DNM1: variants seen among roughly 807,000 people sequenced by gnomAD.
DNM1 encodes dynamin-1.
A neutral mutation model predicts 104.6 loss-of-function variants in DNM1; 29 were observed. That is an observed-to-expected ratio of 0.28 (90% CI 0.21 to 0.38). The LOEUF (loss-of-function observed/expected upper bound fraction) is 0.38. DNM1 is among the 10% of genes least tolerant of loss of function. The pLI is 1.00. For synonymous variants in DNM1, 445 were observed against 475.8 expected (o/e 0.94, Z 0.84); for missense variants, 640 against 1,189.4 (o/e 0.54, Z 6.79).
At chr9:128,239,659 C>T (rs1238336007) in intron 12 of DNM1, 69 bp from the exon 13 acceptor site, 4 of 1,513,702 alleles carry the variant, frequency 2.6e-6, no homozygotes, top group Admixed American at 1.7e-5. Flanking sequence ...GTCCTGTGCC[C>T]ACTAAGCAGT....
chr9:128,235,198 T>C (rs1193060403), intron 11 of DNM1, among the ~76,000 whole-genome samples: 3 of 152,050 alleles, frequency 2.0e-5, no homozygotes, highest in Non-Finnish European at 4.4e-5. Flanking sequence ...GTAGCATGTG[T>C]CAAAAGCTGC....
intron 1 of DNM1, among the ~76,000 whole-genome samples, chr9:128,211,434 G>C (rs1015898417): frequency 3.3e-5 from 5 of 150,778 alleles, no homozygotes; most frequent in African/African-American, 4.9e-5. Context: ...ACTCTCCTGG[G>C]GTGCTATTGC....
Position 128,220,739 on chromosome 9 carries a change from G to GCT in DNM1, c.849+399_849+400insTC, listed in dbSNP as rs1834903514. ...ATCCAGAACTGAAGTGCGCGCGCGCGCGCGTGTGTGTGTGTGTGTGTGTGT... is the reference window on the plus strand; with the variant it reads ...ATCCAGAACTGAAGTGCGCGCGCGCGCTCGCGTGTGTGTGTGTGTGTGTGTGT... On this transcript the variant is annotated intron_variant, in intron 6 of 21. Transcript: ENST00000372923. This position sits in a 1 kb window ranked among gnomAD's most constrained non-coding sequence, Gnocchi z 5.2. Among the ~76,000 whole-genome samples, 3 of 109,266 alleles carry GCT rather than the reference G, an allele frequency of 2.7e-5. No homozygotes were observed. The highest frequency in any genetic ancestry group is 9.7e-5 in the African/African-American group (2 of 20,690). 71.7% of individuals were successfully genotyped at this position (109,266 alleles called of 152,430 possible).
rs1835232660 is a variant in DNM1, at chr9:128,224,608, T to TGA, written c.1335+222_1335+223dup. On this transcript the variant is annotated intron_variant, in intron 10 of 21. Coordinates refer to ENST00000372923, the MANE Select transcript of DNM1 (RefSeq NM_004408.4). This position sits in a 1 kb window ranked among gnomAD's most constrained non-coding sequence, Gnocchi z 4.3. ...TGGGGACCCAGGGATTGGACATGGG[T>TGA]GAGACGGGGATGATGGCTGGCTGTT... 6.6e-6 allele frequency among the ~76,000 whole-genome samples: 1 copy of TGA among 151,568 alleles called. No homozygotes were observed. Among genetic ancestry groups the TGA allele is most frequent in the Non-Finnish European group, 1.5e-5 (1 of 67,826 alleles).
chr9:128,204,275 C>A (rs1833740703), intron 1 of DNM1: 1 of 152,376 alleles, frequency 6.6e-6, no homozygotes, highest in Admixed American at 6.5e-5. Flanking sequence ...GAGGAGAAAC[C>A]ACTTCTTATC....
chr9:128,234,171 A>C, intron 11 of DNM1, 64 bp downstream of exon 11: 3 of 1,333,220 alleles, frequency 2.3e-6, no homozygotes, highest in Admixed American at 2.6e-5. Flanking sequence ...TGCGCCTTCC[A>C]CTCCTGGCCC....
rs929502974 is a variant in DNM1 at position 128,240,179 on chromosome 9, T to C, written c.1557+183T>C. 6.6e-6 allele frequency among the ~76,000 whole-genome samples: 1 copy of C among 152,170 alleles called. No individual in the cohort carries two copies. Among genetic ancestry groups the C allele is most frequent in the Non-Finnish European group, 1.5e-5 (1 of 68,022 alleles). ...GCCCAGCCGCATCCACCCGTCCATCTGTGTGCACGAGCCAAGCACCTACTT... is the reference window on the plus strand; with the variant it reads ...GCCCAGCCGCATCCACCCGTCCATCCGTGTGCACGAGCCAAGCACCTACTT... On this transcript the variant is annotated intron_variant, in intron 14 of 21. Coordinates refer to ENST00000372923, the MANE Select transcript of DNM1 (RefSeq NM_004408.4). The surrounding 1 kb of genome is among the most constrained non-coding windows in gnomAD (Gnocchi z 5.1).
At chr9:128,206,525 G>A (rs1295302398) in intron 1 of DNM1, among the ~76,000 whole-genome samples, 9 of 152,102 alleles carry the variant, frequency 5.9e-5, no homozygotes, top group South Asian at 2.1e-4. Context: ...TGTGGTGAAC[G>A]TCAGGGAGGG....
rs1251431663 is a variant in DNM1, at chr9:128,239,570, G to A, written c.1493+55G>A. The A allele has an allele frequency of 6.3e-4, 173 of 272,954 alleles. No homozygotes were observed. Among genetic ancestry groups the A allele is most frequent in the Non-Finnish European group, 8.9e-4 (158 of 178,136 alleles). The allele number at this position is 272,954 out of a possible 1,614,324, so 16.9% of individuals were successfully genotyped here. On this transcript the variant is annotated intron_variant, in intron 12 of 21. Coordinates refer to ENST00000372923, the MANE Select transcript of DNM1 (RefSeq NM_004408.4). The stretch of plus-strand genomic sequence containing the variant: ...GCTCCCTGGGCAGAGAAGGTAACGT[G>A]TGTGTGTGTGTGTGTGTGTGTGTGT...
At chr9:128,242,491 G>A in intron 15 of DNM1, 146 bp downstream of exon 15, 1 of 572,202 alleles carries the variant, frequency 1.7e-6, no homozygotes. Flanking sequence ...TGGGTGTGGT[G>A]GCTCACACCT....
chr9:128,215,877 G>A (rs1056198596), intron 1 of DNM1, among the ~76,000 whole-genome samples: 2 of 152,036 alleles, frequency 1.3e-5, no homozygotes, highest in Non-Finnish European at 2.9e-5. Context: ...AGAAGAGGGT[G>A]GACCCCCGGC....
chr9:128,250,717 GC>G lies in DNM1; in HGVS notation c.2319-5del. On this transcript the variant is annotated splice_region_variant and splice_polypyrimidine_tract_variant and intron_variant, in intron 20 of 21. Transcript: ENST00000372923. ...CTCTCCTTGTTCCTCGCTCCCTGTC[GC>G]CCTCAGGTCGCCCACGTCCAGCCCC... 1.4e-6 allele frequency: 2 copies of G among 1,460,542 alleles called. No homozygotes were observed. The highest frequency in any genetic ancestry group is 1.3e-5 in the South Asian group (1 of 76,010). The allele number at this position is 1,460,542 out of a possible 1,614,324, so 90.5% of individuals were successfully genotyped here.
At position 128,222,162 on chromosome 9, in the gene DNM1, T is replaced by A; in HGVS notation, c.850-35T>A. On this transcript the variant is annotated intron_variant, in intron 6 of 21. Transcript: ENST00000372923. The surrounding 1 kb of genome is among the most constrained non-coding windows in gnomAD (Gnocchi z 7.8). ...AAGTCCCTTCCTGGCCCTGTGACCA[T>A]CTGTCCTCAACCCTTTCCTCACCCT... The A allele has an allele frequency of 6.3e-7, 1 of 1,586,804 alleles. No individual in the cohort carries two copies.
In DNM1 at chr9:128,224,090, C is replaced by A; in HGVS notation, c.1197-161C>A. The A allele has an allele frequency of 1.2e-6, 1 of 833,546 alleles. No individual in the cohort carries two copies. The highest frequency in any genetic ancestry group is 1.8e-6 in the Non-Finnish European group (1 of 565,954). The allele number at this position is 833,546 out of a possible 1,614,324, so 51.6% of individuals were successfully genotyped here. ...ACAACAAAAAACCCTTCATTAGAAC[C>A]CCTCCCTCCCATTTTACAACTGGGG... On this transcript the variant is annotated intron_variant, in intron 9 of 21. Transcript: ENST00000372923. The surrounding 1 kb of genome is among the most constrained non-coding windows in gnomAD (Gnocchi z 4.3).
Position 128,222,573 on chromosome 9 carries a change from C to T in DNM1, c.1105C>T (p.Arg369Cys), listed in dbSNP as rs1835087113. Reference sequence around the variant, plus strand: ...CCGCATTAACCGAATCTTCCACGAGCGCTTCCCTTTCGAGCTGGTCAAGGT... The same window carrying T: ...CCGCATTAACCGAATCTTCCACGAGTGCTTCCCTTTCGAGCTGGTCAAGGT... ...GARINRIFHE[R>C]FPFELVKMEF... Residue 369 changes from arginine to cysteine, a missense_variant, in exon 8 of 22, where the codon CGC becomes TGC. Arg to Cys is a radical substitution (Grantham distance 180, BLOSUM62 -3). Around this residue, in one of 7 missense-constraint regions of DNM1, gnomAD observed 38 missense variants for 113.5 expected, o/e 0.33. Coordinates refer to ENST00000372923, the MANE Select transcript of DNM1 (RefSeq NM_004408.4). The surrounding 1 kb of genome is among the most constrained non-coding windows in gnomAD (Gnocchi z 7.8). The T allele has an allele frequency of 3.1e-6, 5 of 1,614,060 alleles. No homozygotes were observed. The highest frequency in any genetic ancestry group is 2.5e-6 in the Non-Finnish European group (3 of 1,180,042).
chr9:128,210,687 T>G (rs1398457219), intron 1 of DNM1, among the ~76,000 whole-genome samples: 1 of 152,074 alleles, frequency 6.6e-6, no homozygotes, highest in East Asian at 1.9e-4. Flanking sequence ...ACAGAGAGCG[T>G]AGGGAACCTG....
At chr9:128,246,356 T>A in intron 15 of DNM1, 38 bp from the exon 16 acceptor site, 1 of 1,424,630 alleles carries the variant, frequency 7.0e-7, no homozygotes, top group South Asian at 1.1e-5. Context: ...CAGAGAACAG[T>A]GCCAACCTCA....
rs934147031 is a variant in DNM1 at position 128,228,961 on chromosome 9, C to T, written c.1335+4572C>T. ...TCACACCACTGCACTCCAGCCTGGG[C>T]GACAGAGCCAGACTCCATCTCAAAA... On this transcript the variant is annotated intron_variant, in intron 10 of 21. Transcript: ENST00000372923. Among the ~76,000 whole-genome samples, 7 of 149,464 alleles carry T rather than the reference C, an allele frequency of 4.7e-5. No homozygotes were observed. The East Asian group carries it at 5.9e-4, about 13-fold the overall frequency.
At position 128,254,575 on chromosome 9, in the gene DNM1, CCGTGTGCTGCGCTTG is replaced by C; in HGVS notation, c.2535-77_2535-63del. The C allele has an allele frequency of 6.3e-7, 1 of 1,590,062 alleles. No homozygotes were observed. Among genetic ancestry groups the C allele is most frequent in the Non-Finnish European group, 8.5e-7 (1 of 1,175,018 alleles). On this transcript the variant is annotated intron_variant, in intron 21 of 21. Coordinates refer to ENST00000372923, the MANE Select transcript of DNM1 (RefSeq NM_004408.4). This position sits in a 1 kb window ranked among gnomAD's most constrained non-coding sequence, Gnocchi z 6.1. Reference sequence around the variant, plus strand: ...ACTGCTGCGGCGCGGCCGGCCCCGGCCGTGTGCTGCGCTTGCCTTACCAGCTCTCTCCTCGCTTTT... The same window carrying C: ...ACTGCTGCGGCGCGGCCGGCCCCGGCCCTTACCAGCTCTCTCCTCGCTTTT...
Sources: allele counts gnomAD v4.1 joint callset (sites outside exome capture counted in the v4.1 genomes callset), GRCh38; gene constraint gnomAD v4.1.1; regional missense constraint gnomAD v4.1.1; non-coding constraint Gnocchi (gnomAD v3.1); transcripts MANE v1.5; gene names NCBI Gene and HGNC (gene_info 2026-07-23, HGNC 2026-07-21).